PRKN: variants seen among roughly 807,000 people sequenced by gnomAD.
The protein encoded by PRKN is parkin RBR E3 ubiquitin protein ligase.
A neutral mutation model predicts 59.5 loss-of-function variants in PRKN; 56 were observed. The observed-to-expected ratio is 0.94, with a 90% CI of 0.76 to 1.18. The LOEUF is 1.18. Among genes scored for constraint, PRKN ranks in the 50% most tolerant of loss-of-function variants. The pLI is 0.00. For synonymous variants in PRKN, 250 were observed against 222.1 expected, an observed-to-expected ratio of 1.13 and a Z score of -1.12; for missense variants, 657 against 596.4, an observed-to-expected ratio of 1.10 and a Z score of -1.06.
At chr6:161,879,949 G>A (rs964533683) in intron 6 of PRKN, among the ~76,000 whole-genome samples, 1 of 152,096 alleles carries the variant, frequency 6.6e-6, no homozygotes, top group African/African-American at 2.4e-5. Flanking sequence ...ATGCACATTA[G>A]AAGTAGATGA....
intron 4 of PRKN, among the ~76,000 whole-genome samples, chr6:162,079,367 CTGT>C (rs1391870922): frequency 6.6e-6 from 1 of 152,116 alleles, no homozygotes; most frequent in Non-Finnish European, 1.5e-5. Context: ...CTCTAGCTAG[CTGT>C]TGTTCTTGTA....
intron 6 of PRKN, among the ~76,000 whole-genome samples, chr6:161,912,316 T>C (rs1228876276): frequency 6.6e-6 from 1 of 152,102 alleles, no homozygotes; most frequent in East Asian, 1.9e-4. Context: ...TTTAAACTAT[T>C]TCTATGGCAA....
At chr6:161,706,976 G>A (rs969127353) in intron 7 of PRKN, among the ~76,000 whole-genome samples, 3 of 152,158 alleles carry the variant, frequency 2.0e-5, no homozygotes, top group East Asian at 3.9e-4. Flanking sequence ...TAGGAAAAGC[G>A]ATATCGAAAA....
At chr6:162,246,221 G>C (rs571798310) in intron 3 of PRKN, among the ~76,000 whole-genome samples, 3 of 151,978 alleles carry the variant, frequency 2.0e-5, no homozygotes, top group Non-Finnish European at 4.4e-5. Flanking sequence ...GAGGTCTTTC[G>C]GGTGAGCCCT....
intron 2 of PRKN, among the ~76,000 whole-genome samples, chr6:162,358,242 A>T (rs546161484): frequency 6.6e-6 from 1 of 152,314 alleles, no homozygotes; most frequent in East Asian, 1.9e-4. Flanking sequence ...TACAGACAAA[A>T]GTTAGTTTAT....
intron 7 of PRKN, among the ~76,000 whole-genome samples, chr6:161,608,927 T>A (rs1782386389): frequency 6.6e-6 from 1 of 152,206 alleles, no homozygotes. Flanking sequence ...GCTTAGGTTG[T>A]CATCCAGGTG....
At chr6:162,194,683 T>A (rs967374752) in intron 4 of PRKN, among the ~76,000 whole-genome samples, 4 of 152,158 alleles carry the variant, frequency 2.6e-5, no homozygotes, top group Non-Finnish European at 4.4e-5. Flanking sequence ...TTCTTTATGG[T>A]AATCCTTTTT....
rs1462187319 is a variant in PRKN at position 161,447,899 on chromosome 6, G to T, written c.1084-61022C>A. Among the ~76,000 whole-genome samples, 2 of 152,226 alleles carry T rather than the reference G, an allele frequency of 1.3e-5. No individual in the cohort carries two copies. The highest frequency in any genetic ancestry group is 2.4e-5 in the African/African-American group (1 of 41,470). ...AGGAAAGTTAAGCCCTGGAAATGGA[G>T]TTGTGAGAGCAGGCTGTTTTTTCTC... On this transcript the variant is annotated intron_variant, in intron 9 of 11. Coordinates refer to ENST00000366898, the MANE Select transcript of PRKN (RefSeq NM_004562.3). This position sits in a 1 kb window ranked among gnomAD's most constrained non-coding sequence, Gnocchi z 4.1.
chr6:161,457,518 G>A lies in PRKN; in HGVS notation c.1084-70641C>T, dbSNP rs1790026687. Among the ~76,000 whole-genome samples, 1 of 152,182 alleles carries A rather than the reference G, an allele frequency of 6.6e-6. No homozygotes were observed. Among genetic ancestry groups the A allele is most frequent in the African/African-American group, 2.4e-5 (1 of 41,432 alleles). ...ACTCAAAATTCATGTTTATATTTAT[G>A]TACAGTGCCTAGAACAATGATAAGA... On this transcript the variant is annotated intron_variant, in intron 9 of 11. Coordinates refer to ENST00000366898, the MANE Select transcript of PRKN (RefSeq NM_004562.3). This position sits in a 1 kb window ranked among gnomAD's most constrained non-coding sequence, Gnocchi z 5.0.
chr6:162,508,821 C>T (rs184420831), intron 1 of PRKN, among the ~76,000 whole-genome samples: 1 of 152,200 alleles, frequency 6.6e-6, no homozygotes, highest in East Asian at 1.9e-4. Flanking sequence ...CACTTCACTC[C>T]AGCCTGGGTG....
intron 3 of PRKN, among the ~76,000 whole-genome samples, chr6:162,241,569 G>T (rs1778991520): frequency 6.6e-6 from 1 of 152,032 alleles, no homozygotes; most frequent in African/African-American, 2.4e-5. Context: ...TGATAGGCAT[G>T]ATTTGGTGGG....
chr6:161,425,874 G>T (rs1200854478), intron 9 of PRKN, among the ~76,000 whole-genome samples: 3 of 152,090 alleles, frequency 2.0e-5, no homozygotes, highest in Non-Finnish European at 4.4e-5. Context: ...GGAAGACATG[G>T]TATTTTTTTA....
At chr6:162,492,973 AAAAAG>A in intron 1 of PRKN, among the ~76,000 whole-genome samples, 1 of 151,766 alleles carries the variant, frequency 6.6e-6, no homozygotes, top group Non-Finnish European at 1.5e-5. Context: ...AAAAAAAAAA[AAAAAG>A]AAGCAGAAGA....
At chr6:162,221,364 A>G (rs1341333718) in intron 3 of PRKN, among the ~76,000 whole-genome samples, 3 of 152,214 alleles carry the variant, frequency 2.0e-5, no homozygotes, top group African/African-American at 7.2e-5. Context: ...CTGTGACAGT[A>G]ACCTGGCTGA....
chr6:161,951,713 G>A (rs1211108793), intron 6 of PRKN, among the ~76,000 whole-genome samples: 1 of 151,984 alleles, frequency 6.6e-6, no homozygotes, highest in Non-Finnish European at 1.5e-5. Context: ...GTCAGGAGTT[G>A]GAGACCAGCC....
intron 4 of PRKN, among the ~76,000 whole-genome samples, chr6:162,126,398 T>G (rs1296320221): frequency 6.6e-6 from 1 of 152,238 alleles, no homozygotes; most frequent in East Asian, 1.9e-4. Flanking sequence ...TAACCGTGGC[T>G]GCCTAAAACT....
chr6:162,184,924 T>A (rs1205042965), intron 4 of PRKN, among the ~76,000 whole-genome samples: 1 of 152,162 alleles, frequency 6.6e-6, no homozygotes, highest in Non-Finnish European at 1.5e-5. Context: ...ATGAAGCATT[T>A]ATTTCAAAAC....
intron 2 of PRKN, among the ~76,000 whole-genome samples, chr6:162,435,985 T>C (rs1330642724): frequency 2.0e-5 from 3 of 151,972 alleles, no homozygotes; most frequent in Non-Finnish European, 4.4e-5. Context: ...CTTTCTGTTT[T>C]ATAGTCAATA....
chr6:161,877,239 A>G (rs1440262800), intron 6 of PRKN, among the ~76,000 whole-genome samples: 2 of 152,056 alleles, frequency 1.3e-5, no homozygotes, highest in Non-Finnish European at 2.9e-5. Context: ...CCCCCACTCC[A>G]GCCACGGCGG....
Sources: gnomAD v4.1 joint callset for allele counts (sites outside exome capture counted in the v4.1 genomes callset) on GRCh38, gnomAD v4.1.1 for gene constraint, Gnocchi (gnomAD v3.1) non-coding constraint, MANE v1.5 for transcripts, NCBI Gene and HGNC (gene_info 2026-07-23, HGNC 2026-07-21) for gene names.